TACC2: variants seen among roughly 807,000 people sequenced by gnomAD.
The protein encoded by TACC2 is transforming acidic coiled-coil-containing protein 2.
In TACC2, 137 loss-of-function variants were observed where a neutral mutation model predicts 227.3. That is an observed-to-expected ratio of 0.60 (90% CI 0.52 to 0.69). The LOEUF (loss-of-function observed/expected upper bound fraction) is 0.69. Among genes scored for constraint, TACC2 ranks in the 30% least tolerant of loss-of-function variants. The probability of loss-of-function intolerance (pLI) is 0.00; values close to 1 mark genes in which losing one functional copy is unlikely to be tolerated. For synonymous variants in TACC2, 1,523 were observed against 1,487.5 expected, an observed-to-expected ratio of 1.02 and a Z score of -0.55; for missense variants, 3,470 against 3,694.4, an observed-to-expected ratio of 0.94 and a Z score of 1.57.
chr10:122,206,092 G>T (rs1031706779), intron 8 of TACC2, among the ~76,000 whole-genome samples: 2 of 152,086 alleles, frequency 1.3e-5, no homozygotes, highest in Non-Finnish European at 2.9e-5. Flanking sequence ...ACTGGGGGGC[G>T]GGGGGAAAGA....
intron 3 of TACC2, among the ~76,000 whole-genome samples, chr10:122,073,965 A>G (rs2078457367): frequency 6.6e-6 from 1 of 151,764 alleles, no homozygotes; most frequent in South Asian, 2.1e-4. Context: ...TATGTTTTAT[A>G]GAGACAGGGT....
chr10:122,243,048 A>G (rs1427484090), intron 19 of TACC2, among the ~76,000 whole-genome samples: 1 of 152,100 alleles, frequency 6.6e-6, no homozygotes, highest in Non-Finnish European at 1.5e-5. Context: ...GGTTCGAGCA[A>G]TTCTCCTGCC....
rs1591469852 is a variant in TACC2 at position 122,050,476 on chromosome 10, A to T, written c.72A>T (p.Pro24=). The T allele has an allele frequency of 1.3e-6, 2 of 1,547,244 alleles. No homozygotes were observed. Among genetic ancestry groups the T allele is most frequent in the Non-Finnish European group, 1.8e-6 (2 of 1,120,766 alleles). The change falls in exon 3 of 23, where the codon CCA becomes CCT. Residue 24 remains proline (P), a synonymous_variant. Transcript: ENST00000369005. The surrounding 1 kb of genome is among the most constrained non-coding windows in gnomAD (Gnocchi z 4.6). ...CTCAGACTCCAAGGTCCGCGCAGCC[A>T]CCCGGGAACAGTCAGAATATAAAAA... is the stretch of plus-strand genomic sequence containing the variant. ...LSAQTPRSAQ[P]PGNSQNIKRK...
At chr10:122,198,342 G>A (rs1254125702) in intron 8 of TACC2, among the ~76,000 whole-genome samples, 1 of 152,194 alleles carries the variant, frequency 6.6e-6, no homozygotes, top group Non-Finnish European at 1.5e-5. Flanking sequence ...GAAATGAAGA[G>A]GGTGATCTGT....
At chr10:122,078,304 C>T (rs1420746333) in intron 3 of TACC2, among the ~76,000 whole-genome samples, 3 of 151,586 alleles carry the variant, frequency 2.0e-5, no homozygotes, top group Non-Finnish European at 2.9e-5. Flanking sequence ...ATGGTTTTGC[C>T]GACTCCTGAA....
intron 5 of TACC2, among the ~76,000 whole-genome samples, chr10:122,125,302 C>T (rs2086616677): frequency 6.6e-6 from 1 of 151,888 alleles, no homozygotes; most frequent in African/African-American, 2.4e-5. Flanking sequence ...CTCAGGTGAT[C>T]CTCCCACCTC....
intron 5 of TACC2, among the ~76,000 whole-genome samples, chr10:122,096,652 C>T (rs1016374259): frequency 8.0e-5 from 12 of 149,076 alleles, no homozygotes; most frequent in East Asian, 2.0e-4. Context: ...ACTGAGATCG[C>T]GCCATTGCAC....
At chr10:122,198,932 T>C (rs2094680233) in intron 8 of TACC2, among the ~76,000 whole-genome samples, 1 of 152,214 alleles carries the variant, frequency 6.6e-6, no homozygotes, top group African/African-American at 2.4e-5. Flanking sequence ...GGCAAAGGAT[T>C]GCGAGTCAGT....
At chr10:122,070,762 A>G (rs1341466808) in intron 3 of TACC2, among the ~76,000 whole-genome samples, 1 of 151,182 alleles carries the variant, frequency 6.6e-6, no homozygotes, top group East Asian at 1.9e-4. Context: ...TCAAAAAAAA[A>G]AAAAAAAAAG....
intron 2 of TACC2, among the ~76,000 whole-genome samples, chr10:122,039,645 G>T (rs933995524): frequency 2.0e-5 from 3 of 152,128 alleles, no homozygotes; most frequent in African/African-American, 7.2e-5. Flanking sequence ...GCAGTGAGCC[G>T]GCAGTTTATT....
At position 122,016,581 on chromosome 10, in the gene TACC2, A is replaced by AT. The variant is rs1416262144; in HGVS notation, c.-45-5356_-45-5355insT. ...GACTCTGTCTTAAAAAAAAAAAAAAAAAAAGTCAGTCCCTGCACACCTGAG... is the reference window on the plus strand; with the variant it reads ...GACTCTGTCTTAAAAAAAAAAAAAAATAAAAGTCAGTCCCTGCACACCTGAG... On this transcript the variant is annotated intron_variant, in intron 1 of 22. Transcript: ENST00000369005. 5.8e-3 allele frequency among the ~76,000 whole-genome samples: 847 copies of AT among 145,750 alleles called. 5 individuals are homozygous for AT. Among genetic ancestry groups the AT allele is most frequent in the African/African-American group, 0.02 (796 of 39,634 alleles).
chr10:122,204,112 A>T (rs12414018), intron 8 of TACC2, among the ~76,000 whole-genome samples: 1 of 146,596 alleles, frequency 6.8e-6, no homozygotes, highest in South Asian at 2.2e-4. Flanking sequence ...GCAGCAGTAC[A>T]GTCCAGCTTC....
At chr10:122,248,871 G>T in intron 20 of TACC2, 68 bp downstream of exon 20, 1 of 1,596,906 alleles carries the variant, frequency 6.3e-7, no homozygotes, top group South Asian at 1.1e-5. Flanking sequence ...AGCACTGGGA[G>T]GGGGTAGGAT....
At chr10:121,991,052 C>T (rs1017575398) in intron 1 of TACC2, among the ~76,000 whole-genome samples, 13 of 152,168 alleles carry the variant, frequency 8.5e-5, no homozygotes, top group African/African-American at 2.4e-4. Context: ...TCCCAAAGTA[C>T]TGGAATTACA....
At chr10:122,038,464 T>G (rs1293121636) in intron 2 of TACC2, among the ~76,000 whole-genome samples, 1 of 151,088 alleles carries the variant, frequency 6.6e-6, no homozygotes, top group Non-Finnish European at 1.5e-5. Flanking sequence ...GGGGAGGGAG[T>G]GAGTAGGTGG....
At chr10:122,200,748 A>T (rs1370257315) in intron 8 of TACC2, among the ~76,000 whole-genome samples, 3 of 146,516 alleles carry the variant, frequency 2.0e-5, no homozygotes. Flanking sequence ...CCGTGTTCAC[A>T]TGGGGAGGAC....
At chr10:122,024,487 A>G (rs919873834) in intron 2 of TACC2, among the ~76,000 whole-genome samples, 2 of 152,178 alleles carry the variant, frequency 1.3e-5, no homozygotes, top group African/African-American at 2.4e-5. Context: ...TACAGTCAAG[A>G]TAACAGACCA....
At chr10:122,032,698 G>A (rs536192971) in intron 2 of TACC2, among the ~76,000 whole-genome samples, 13 of 152,218 alleles carry the variant, frequency 8.5e-5, no homozygotes, top group African/African-American at 3.1e-4. Flanking sequence ...GGTGGCTCAC[G>A]CCTGCAATCC....
At chr10:122,206,748 C>G (rs1298387684) in intron 8 of TACC2, among the ~76,000 whole-genome samples, 1 of 152,168 alleles carries the variant, frequency 6.6e-6, no homozygotes. Context: ...AAACCTGGAG[C>G]CTGTGTGCAA....
Sources: gnomAD v4.1 joint callset for allele counts (sites outside exome capture counted in the v4.1 genomes callset) on GRCh38, gnomAD v4.1.1 for gene constraint, Gnocchi (gnomAD v3.1) non-coding constraint, MANE v1.5 for transcripts, NCBI Gene and HGNC (gene_info 2026-07-23, HGNC 2026-07-21) for gene names.